Variants in LHFPL4 observed in about 807,000 individuals in gnomAD.
LHFPL4 encodes LHFPL tetraspan subfamily member 4 protein.
LHFPL4 carries 6 observed loss-of-function variants against 20.0 expected under a neutral mutation model. That is an observed-to-expected ratio of 0.30 (90% CI 0.16 to 0.59). LHFPL4 has a LOEUF of 0.59. Ranked by LOEUF, LHFPL4 falls within the 20% of genes least tolerant of loss-of-function variation. The pLI is 0.88. For synonymous variants in LHFPL4, 129 were observed against 143.8 expected, an observed-to-expected ratio of 0.90 and a Z score of 0.74; for missense variants, 215 against 331.2, an observed-to-expected ratio of 0.65 and a Z score of 2.72.
At chr3:9,528,063 G>A (rs572648712) in intron 2 of LHFPL4, among the ~76,000 whole-genome samples, 4 of 152,178 alleles carry the variant, frequency 2.6e-5, no homozygotes, top group African/African-American at 9.6e-5. Flanking sequence ...ATTATCATCT[G>A]AGCCAGCCTT....
chr3:9,538,284 A>G (rs1469970740), intron 2 of LHFPL4, among the ~76,000 whole-genome samples: 3 of 152,092 alleles, frequency 2.0e-5, no homozygotes, highest in African/African-American at 7.2e-5. Context: ...GGTCACTCCC[A>G]TGCCTGAAAG....
At chr3:9,509,310 G>A (rs1288751942) in intron 2 of LHFPL4, among the ~76,000 whole-genome samples, 1 of 135,098 alleles carries the variant, frequency 7.4e-6, no homozygotes, top group African/African-American at 3.0e-5. Context: ...CGCCCCTCCC[G>A]CTTTCCCCTT....
intron 2 of LHFPL4, among the ~76,000 whole-genome samples, chr3:9,524,126 T>C (rs1163660027): frequency 6.6e-6 from 1 of 152,148 alleles, no homozygotes; most frequent in East Asian, 1.9e-4. Context: ...TTTCTTGTTT[T>C]CCTTCTGGCT....
intron 2 of LHFPL4, among the ~76,000 whole-genome samples, chr3:9,510,011 C>A (rs1275495918): frequency 6.6e-6 from 1 of 152,198 alleles, no homozygotes; most frequent in East Asian, 1.9e-4. Context: ...CAGGATGGCA[C>A]AAGCTTTCTC....
intron 2 of LHFPL4, among the ~76,000 whole-genome samples, chr3:9,513,271 T>G (rs1427820510): frequency 6.6e-6 from 1 of 152,152 alleles, no homozygotes; most frequent in Non-Finnish European, 1.5e-5. Flanking sequence ...GGACATTTGT[T>G]TTATATAAGA....
At chr3:9,520,730 G>A (rs3102224) in intron 2 of LHFPL4, among the ~76,000 whole-genome samples, 1 of 152,134 alleles carries the variant, frequency 6.6e-6, no homozygotes, top group Non-Finnish European at 1.5e-5. Flanking sequence ...TCCAGCTATC[G>A]TTCTGTTATT....
rs750875015 is a variant in LHFPL4 at position 9,502,107 on chromosome 3, G to C, written c.*104C>G. On this transcript the variant is annotated 3_prime_UTR_variant, in exon 4 of 4. Transcript: ENST00000287585. ...TTGCAGGGTAGTCGGTGAGAAGTAA[G>C]TCTGAGATCAGGGTCTTCCCTCAGA... 8.8e-5 allele frequency: 72 copies of C among 821,010 alleles called. No homozygotes were observed. Among genetic ancestry groups the C allele is most frequent in the Non-Finnish European group, 1.5e-4 (71 of 483,274 alleles). The allele number at this position is 821,010 out of a possible 1,614,324, so 50.9% of individuals were successfully genotyped here.
At chr3:9,516,607 G>A (rs1187132382) in intron 2 of LHFPL4, among the ~76,000 whole-genome samples, 1 of 151,884 alleles carries the variant, frequency 6.6e-6, no homozygotes, top group Non-Finnish European at 1.5e-5. Context: ...CTGAGTAGCT[G>A]AGACTACAGG....
chr3:9,499,836 C>T lies in LHFPL4; in HGVS notation c.*2375G>A, dbSNP rs2046157947. On this transcript the variant is annotated 3_prime_UTR_variant, in exon 4 of 4. Coordinates refer to ENST00000287585, the MANE Select transcript of LHFPL4 (RefSeq NM_198560.3). Reference sequence around the variant, plus strand: ...CCCAGTGCCCAGATAGCAACCCCCTCCCCACTGCCCCGCATCCTGGCTCCT... The same window carrying T: ...CCCAGTGCCCAGATAGCAACCCCCTTCCCACTGCCCCGCATCCTGGCTCCT... The T allele has an allele frequency of 1.3e-5, 2 of 152,310 alleles. No homozygotes were observed. Among genetic ancestry groups the T allele is most frequent in the African/African-American group, 4.8e-5 (2 of 41,290 alleles). 9.4% of individuals were successfully genotyped at this position (152,310 alleles called of 1,614,324 possible).
At chr3:9,503,796 C>T (rs553067262) in intron 3 of LHFPL4, among the ~76,000 whole-genome samples, 3 of 152,268 alleles carry the variant, frequency 2.0e-5, no homozygotes, top group South Asian at 2.1e-4. Context: ...GAGGCCAAGG[C>T]GGAAGGATTG....
rs58872967 is a variant in LHFPL4 at position 9,543,729 on chromosome 3, G to GTTTTTTTTTTTTTTTTTTTTTT, written c.406+8544_406+8545insAAAAAAAAAAAAAAAAAAAAAA. On this transcript the variant is annotated intron_variant, in intron 2 of 3. Transcript: ENST00000287585. ...GGTGATTTGTTTGTTTTTGGTTTTG[G>GTTTTTTTTTTTTTTTTTTTTTT]TTTTTTTTTTTTTTTTTTTGAGTCA... 1.7e-5 allele frequency among the ~76,000 whole-genome samples: 2 copies of GTTTTTTTTTTTTTTTTTTTTTT among 119,652 alleles called. 1 individual carries two copies. The highest frequency in any genetic ancestry group is 6.3e-5 in the African/African-American group (2 of 31,608). The allele number at this position is 119,652 out of a possible 152,430, so 78.5% of individuals were successfully genotyped here. A position where few individuals can be genotyped will look rare whatever the true frequency, so the allele number is the denominator to read the frequency against.
At chr3:9,504,693 C>A (rs575915384) in intron 3 of LHFPL4, among the ~76,000 whole-genome samples, 2 of 151,936 alleles carry the variant, frequency 1.3e-5, no homozygotes, top group East Asian at 3.9e-4. Flanking sequence ...GGCGTGGTGG[C>A]GGGTGCCTGT....
chr3:9,549,907 T>C (rs935808626), intron 2 of LHFPL4, among the ~76,000 whole-genome samples: 1 of 152,134 alleles, frequency 6.6e-6, no homozygotes, highest in Non-Finnish European at 1.5e-5. Flanking sequence ...TTTTATGTTA[T>C]TTTTTGCAGA....
At chr3:9,512,222 C>A (rs375079312) in intron 2 of LHFPL4, among the ~76,000 whole-genome samples, 1 of 152,160 alleles carries the variant, frequency 6.6e-6, no homozygotes, top group South Asian at 2.1e-4. Context: ...TGAGCCACCG[C>A]GCCGGCCTAC....
At chr3:9,520,257 G>C (rs911435628) in intron 2 of LHFPL4, among the ~76,000 whole-genome samples, 5 of 151,996 alleles carry the variant, frequency 3.3e-5, no homozygotes, top group African/African-American at 1.2e-4. Flanking sequence ...GGAATTTGAC[G>C]CAAGACTGGG....
intron 2 of LHFPL4, among the ~76,000 whole-genome samples, chr3:9,527,496 T>G (rs1001490932): frequency 1.3e-5 from 2 of 151,994 alleles, no homozygotes; most frequent in African/African-American, 4.8e-5. Flanking sequence ...GTGGGACGAT[T>G]GCTTGAGCCC....
chr3:9,524,935 G>A (rs763777295), intron 2 of LHFPL4, among the ~76,000 whole-genome samples: 21 of 152,170 alleles, frequency 1.4e-4, no homozygotes, highest in Admixed American at 3.3e-4. Flanking sequence ...AGAGGTCTCC[G>A]TCTTTTAGTG....
intron 2 of LHFPL4, among the ~76,000 whole-genome samples, chr3:9,547,822 T>C (rs1428665953): frequency 6.6e-6 from 1 of 151,524 alleles, no homozygotes; most frequent in Non-Finnish European, 1.5e-5. Flanking sequence ...TTTTCTTTTA[T>C]TGAGACAGGG....
At chr3:9,504,096 T>A (rs1431448618) in intron 3 of LHFPL4, among the ~76,000 whole-genome samples, 3 of 151,954 alleles carry the variant, frequency 2.0e-5, no homozygotes. Context: ...CTCAGCCGGG[T>A]GTGCTGGCTC....
Sources: gnomAD v4.1 joint callset for allele counts (sites outside exome capture counted in the v4.1 genomes callset) on GRCh38, gnomAD v4.1.1 for gene constraint, MANE v1.5 for transcripts, NCBI Gene and HGNC (gene_info 2026-07-23, HGNC 2026-07-21) for gene names.